CBFA2T2: variants seen among roughly 807,000 people sequenced by gnomAD.
CBFA2T2 encodes the protein protein CBFA2T2.
CBFA2T2 carries 11 observed loss-of-function variants against 62.2 expected under a neutral mutation model. The ratio of observed to expected loss-of-function variants is 0.18; its 90% CI spans 0.11 to 0.29. The LOEUF (loss-of-function observed/expected upper bound fraction) is 0.29. CBFA2T2 is among the 10% of genes least tolerant of loss of function. The pLI is 1.00. For missense variants in CBFA2T2, 592 were observed against 774.1 expected, an observed-to-expected ratio of 0.76 and a Z score of 2.79; for synonymous variants, 295 against 287.5, an observed-to-expected ratio of 1.03 and a Z score of -0.27.
chr20:33,515,125 G>T (rs2011577150), intron 1 of CBFA2T2, among the ~76,000 whole-genome samples: 1 of 151,762 alleles, frequency 6.6e-6, no homozygotes, highest in African/African-American at 2.4e-5. Context: ...GAAGCGGGTG[G>T]ATCACCTGAG....
intron 5 of CBFA2T2, chr20:33,623,922 CT>C: frequency 6.1e-6 from 4 of 651,206 alleles, no homozygotes; most frequent in South Asian, 1.8e-5. Flanking sequence ...ACAGTTCTGC[CT>C]TTTCCTTGAT....
At chr20:33,572,583 G>A (rs181016422) in intron 1 of CBFA2T2, among the ~76,000 whole-genome samples, 26 of 152,280 alleles carry the variant, frequency 1.7e-4, no homozygotes, top group South Asian at 1.5e-3. Flanking sequence ...TGAAATAGTC[G>A]GTGGATGTCA....
At chr20:33,635,487 C>T (rs913484304) in intron 8 of CBFA2T2, among the ~76,000 whole-genome samples, 1 of 151,900 alleles carries the variant, frequency 6.6e-6, no homozygotes, top group Non-Finnish European at 1.5e-5. Flanking sequence ...CTGGAACAGC[C>T]CAGAACCTTG....
intron 1 of CBFA2T2, among the ~76,000 whole-genome samples, chr20:33,584,449 G>C (rs567712738): frequency 2.6e-5 from 4 of 151,414 alleles, no homozygotes; most frequent in African/African-American, 9.7e-5. Flanking sequence ...TAGAGACGGG[G>C]TTTCACCATG....
intron 1 of CBFA2T2, among the ~76,000 whole-genome samples, chr20:33,564,763 ACAG>A (rs2013231873): frequency 1.3e-5 from 2 of 150,412 alleles, no homozygotes; most frequent in Admixed American, 1.3e-4. Flanking sequence ...TAGTTTTTAT[ACAG>A]GTGGGGTTTT....
At chr20:33,496,011 G>C (rs1342515831) in intron 1 of CBFA2T2, among the ~76,000 whole-genome samples, 2 of 152,190 alleles carry the variant, frequency 1.3e-5, no homozygotes, top group Non-Finnish European at 2.9e-5. Flanking sequence ...CAGTCTAGGA[G>C]GGGCCGTGCA....
At chr20:33,637,697 C>T (rs188930330) in intron 9 of CBFA2T2, among the ~76,000 whole-genome samples, 1,832 of 147,240 alleles carry the variant, frequency 0.012, 38 homozygotes, top group African/African-American at 0.043. Flanking sequence ...GATGGAGTTT[C>T]GCGCTTGTTG....
intron 6 of CBFA2T2, among the ~76,000 whole-genome samples, chr20:33,625,985 C>T (rs2016208798): frequency 6.6e-6 from 1 of 152,108 alleles, no homozygotes; most frequent in Non-Finnish European, 1.5e-5. Flanking sequence ...ACCTGTAGTC[C>T]CAGCTACTCA....
Position 33,644,867 on chromosome 20 carries a change from G to C in CBFA2T2, c.*221G>C, listed in dbSNP as rs1418068157. On this transcript the variant is annotated 3_prime_UTR_variant, in exon 11 of 11. Coordinates refer to ENST00000342704, the MANE Select transcript of CBFA2T2 (RefSeq NM_001032999.3). ...TTCTCTGCACATGGGCAGCCAGCCT[G>C]AGCTGCCTCCTCCATGGCTTTCCTG... is the stretch of plus-strand genomic sequence containing the variant. 1 of 553,792 alleles carries C rather than the reference G, an allele frequency of 1.8e-6. No homozygotes were observed. The highest frequency in any genetic ancestry group is 3.1e-6 in the Non-Finnish European group (1 of 317,774). The allele number at this position is 553,792 out of a possible 1,614,324, so 34.3% of individuals were successfully genotyped here.
rs532791089 is a variant in CBFA2T2, at chr20:33,522,336, A to G, written c.34+32035A>G. Among the ~76,000 whole-genome samples, 22 of 152,344 alleles carry G rather than the reference A, an allele frequency of 1.4e-4. No homozygotes were observed. In the South Asian group the frequency reaches 4.6e-3, roughly 32 times the overall value. ...AAGCCAGTGGATCAAATTCAGTGAT[A>G]GTTAACAGAGAAACAGCAGCATAGA... On this transcript the variant is annotated intron_variant, in intron 1 of 10. Transcript: ENST00000342704.
chr20:33,604,079 T>A (rs2122280165), intron 1 of CBFA2T2, among the ~76,000 whole-genome samples: 1 of 152,302 alleles, frequency 6.6e-6, no homozygotes, highest in East Asian at 1.9e-4. Context: ...GCTTGGTGAT[T>A]TTGCAGCTAT....
At chr20:33,548,401 A>C (rs1859228333) in intron 1 of CBFA2T2, among the ~76,000 whole-genome samples, 1 of 151,340 alleles carries the variant, frequency 6.6e-6, no homozygotes, top group Non-Finnish European at 1.5e-5. Context: ...CCACCACCGC[A>C]CCTGGCTAAT....
At chr20:33,498,475 A>G (rs761800926) in intron 1 of CBFA2T2, among the ~76,000 whole-genome samples, 8 of 150,856 alleles carry the variant, frequency 5.3e-5, no homozygotes, top group Non-Finnish European at 1.0e-4. Context: ...CTGGTCTCGA[A>G]CTCCTGACCT....
chr20:33,641,097 A>G (rs971550584), intron 10 of CBFA2T2, among the ~76,000 whole-genome samples: 16 of 151,464 alleles, frequency 1.1e-4, no homozygotes, highest in Non-Finnish European at 1.6e-4. Flanking sequence ...CAGTGGTGCA[A>G]TCTTGGCTCA....
chr20:33,579,436 G>T (rs2014003025), intron 1 of CBFA2T2, among the ~76,000 whole-genome samples: 1 of 151,578 alleles, frequency 6.6e-6, no homozygotes, highest in Non-Finnish European at 1.5e-5. Flanking sequence ...TAACTTAGCA[G>T]TCTTAAAAAT....
chr20:33,578,897 A>G (rs2013966175), intron 1 of CBFA2T2, among the ~76,000 whole-genome samples: 1 of 152,132 alleles, frequency 6.6e-6, no homozygotes, highest in African/African-American at 2.4e-5. Flanking sequence ...TTCATAAGCT[A>G]TTGTACAAAG....
At chr20:33,544,182 T>C (rs1169535104) in intron 1 of CBFA2T2, among the ~76,000 whole-genome samples, 3 of 152,190 alleles carry the variant, frequency 2.0e-5, no homozygotes, top group African/African-American at 7.2e-5. Context: ...GGCTGGAAGC[T>C]ATCTGTGATC....
intron 4 of CBFA2T2, among the ~76,000 whole-genome samples, chr20:33,622,178 G>A (rs1050829049): frequency 6.6e-6 from 1 of 152,088 alleles, no homozygotes; most frequent in African/African-American, 2.4e-5. Flanking sequence ...TGTTATTTTG[G>A]AAAACAGCAT....
chr20:33,494,261 ATATATATATATATTTTTTT>A (rs2011173594), intron 1 of CBFA2T2, among the ~76,000 whole-genome samples: 2 of 70,674 alleles, frequency 2.8e-5, no homozygotes, highest in Admixed American at 4.2e-4. Context: ...ATATATATAT[ATATATATATATATTTTTTT>A]TTTTTTTTTT....
Sources: gnomAD v4.1 joint callset for allele counts (sites outside exome capture counted in the v4.1 genomes callset) on GRCh38, gnomAD v4.1.1 for gene constraint, MANE v1.5 for transcripts, NCBI Gene and HGNC (gene_info 2026-07-23, HGNC 2026-07-21) for gene names.